Variants in C1orf167 observed in about 807,000 individuals in gnomAD.
The protein encoded by C1orf167 is uncharacterized protein C1orf167.
C1orf167 carries 153 observed loss-of-function variants against 176.5 expected under a neutral mutation model. That is an observed-to-expected ratio of 0.87 (90% CI 0.76 to 0.99). C1orf167 has a LOEUF of 0.99. C1orf167 is among the 50% of genes least tolerant of loss of function. C1orf167 has a pLI of 0.00. For missense variants in C1orf167, 1,490 were observed against 1,817.7 expected (o/e 0.82, Z 3.28); for synonymous variants, 594 against 752.7 (o/e 0.79, Z 3.45).
intron 10 of C1orf167, chr1:11,777,242 A>C (rs4846042): frequency 0.94 from 143,592 of 152,810 alleles, 68,124 homozygotes; most frequent in East Asian, 1. Flanking sequence ...ATGGTCACTG[A>C]TGGAATTCGG....
intron 16 of C1orf167, 68 bp from the exon 17 acceptor site, chr1:11,787,320 A>G (rs935979530): frequency 1.7e-5 from 17 of 1,010,884 alleles, no homozygotes; most frequent in Non-Finnish European, 1.3e-6. Flanking sequence ...CAGCGAAGAA[A>G]TCCCAGCGGG....
At chr1:11,776,392 C>G in intron 9 of C1orf167, 72 bp from the exon 10 acceptor site, 1 of 1,223,116 alleles carries the variant, frequency 8.2e-7, no homozygotes, top group Non-Finnish European at 1.1e-6. Flanking sequence ...CCTGAGGCAG[C>G]AGCTATCAAT....
Position 11,768,924 on chromosome 1 carries a change from G to A in C1orf167, c.1543-49G>A. ...CCGCCCCTGCCTGGTGTTCCCTTGG[G>A]AGGCAGATTCAAGGCCAACATCTCC... On this transcript the variant is annotated intron_variant, in intron 5 of 20. Coordinates refer to ENST00000688073, the MANE Select transcript of C1orf167 (RefSeq NM_001010881.2). The surrounding 1 kb of genome is among the most constrained non-coding windows in gnomAD (Gnocchi z 4.5). 1.0e-6 allele frequency: 1 copy of A among 985,380 alleles called. No individual in the cohort carries two copies. Among genetic ancestry groups the A allele is most frequent in the South Asian group, 4.7e-5 (1 of 21,282 alleles). 61.0% of individuals were successfully genotyped at this position (985,380 alleles called of 1,614,324 possible).
rs1329446311 is a variant in C1orf167 at position 11,785,306 on chromosome 1, A to C, written c.3567+17A>C. 2.4e-6 allele frequency: 3 copies of C among 1,269,538 alleles called. No homozygotes were observed. Among genetic ancestry groups the C allele is most frequent in the Non-Finnish European group, 3.1e-6 (3 of 973,334 alleles). The allele number at this position is 1,269,538 out of a possible 1,614,324, so 78.6% of individuals were successfully genotyped here. ...GCCGGCAAGGTACGCCCCAAGCCCC[A>C]GACTGACCTCACGCTCTGGCCCCGG... is the stretch of plus-strand genomic sequence containing the variant. On this transcript the variant is annotated intron_variant, in intron 16 of 20. Coordinates refer to ENST00000688073, the MANE Select transcript of C1orf167 (RefSeq NM_001010881.2).
chr1:11,768,181 G>A lies in C1orf167; in HGVS notation c.1448G>A (p.Arg483Gln), dbSNP rs4845880. ...AVALGRWQLL[R>Q]KCLQALWLRE... ...GCACTGGGCCGCTGGCAGCTGTTGCGAAAGTGCCTTCAGGCCTTGTGGCTC... is the reference window on the plus strand; with the variant it reads ...GCACTGGGCCGCTGGCAGCTGTTGCAAAAGTGCCTTCAGGCCTTGTGGCTC... The change falls in exon 5 of 21, where the codon CGA becomes CAA. Residue 483 changes from arginine to glutamine, a missense_variant. Arg to Gln is a conservative substitution (Grantham distance 43, BLOSUM62 1). Transcript: ENST00000688073. The surrounding 1 kb of genome is among the most constrained non-coding windows in gnomAD (Gnocchi z 4.5). 0.65 allele frequency: 842,173 copies of A among 1,289,566 alleles called. 278,200 individuals are homozygous for A. Among genetic ancestry groups the A allele is most frequent in the Admixed American group, 0.77 (33,516 of 43,548 alleles). The allele number at this position is 1,289,566 out of a possible 1,614,324, so 79.9% of individuals were successfully genotyped here. A position where few individuals can be genotyped will look rare whatever the true frequency, so the allele number is the denominator to read the frequency against.
chr1:11,762,402 G>T, intron 1 of C1orf167, 97 bp downstream of exon 1: 1 of 344,162 alleles, frequency 2.9e-6, no homozygotes, highest in South Asian at 2.2e-5. Context: ...CAGGGGTGGG[G>T]GTGGAGTGGG....
intron 8 of C1orf167, among the ~76,000 whole-genome samples, chr1:11,772,515 C>T (rs1405317278): frequency 1.3e-5 from 2 of 152,252 alleles, no homozygotes; most frequent in Non-Finnish European, 2.9e-5. Context: ...GATCTGCCCA[C>T]CTTGGCCTCC....
chr1:11,768,251 T>C lies in C1orf167; in HGVS notation c.1518T>C (p.Val506=), dbSNP rs1485005211. The change falls in exon 5 of 21, where the codon GTT becomes GTC. Residue 506 remains valine, a synonymous_variant. Coordinates refer to ENST00000688073, the MANE Select transcript of C1orf167 (RefSeq NM_001010881.2). The surrounding 1 kb of genome is among the most constrained non-coding windows in gnomAD (Gnocchi z 4.5). ...CAGCATGGGGGCAGTACACAAAGGTTCTGCTGGTCCGGAGCTTCCGAGAGG... is the reference window on the plus strand; with the variant it reads ...CAGCATGGGGGCAGTACACAAAGGTCCTGCTGGTCCGGAGCTTCCGAGAGG... The part of the protein sequence containing the change: ...LEAAWGQYTK[V]LLVRSFREWR... 7.8e-6 allele frequency: 10 copies of C among 1,289,796 alleles called. No individual in the cohort carries two copies. The highest frequency in any genetic ancestry group is 1.0e-5 in the Non-Finnish European group (10 of 988,850). The allele number at this position is 1,289,796 out of a possible 1,614,324, so 79.9% of individuals were successfully genotyped here.
At chr1:11,779,654 C>A in intron 12 of C1orf167, 148 bp from the exon 13 acceptor site, 1 of 549,000 alleles carries the variant, frequency 1.8e-6, no homozygotes, top group Non-Finnish European at 2.9e-6. Context: ...CCTCCAGTCC[C>A]CAGCAACCCA....
chr1:11,776,842 A>G (rs1221174520), intron 10 of C1orf167, among the ~76,000 whole-genome samples: 2 of 152,192 alleles, frequency 1.3e-5, no homozygotes, highest in African/African-American at 4.8e-5. Context: ...GCCTAGGGAC[A>G]CTGGAACAGT....
chr1:11,788,853 C>A (rs758483138), intron 20 of C1orf167, 107 bp downstream of exon 20: 2 of 1,025,702 alleles, frequency 1.9e-6, no homozygotes, highest in South Asian at 1.4e-5. Flanking sequence ...GCTTGCCAGC[C>A]CCGGGGCCCC....
intron 4 of C1orf167, among the ~76,000 whole-genome samples, chr1:11,767,522 G>A (rs894987290): frequency 5.3e-5 from 8 of 152,024 alleles, no homozygotes; most frequent in Non-Finnish European, 8.8e-5. Flanking sequence ...CTGGGTTTTC[G>A]GCAAACAGGG....
Position 11,762,221 on chromosome 1 carries a change from A to C in C1orf167, c.-155A>C, listed in dbSNP as rs774227055. The C allele has an allele frequency of 9.0e-6, 4 of 446,370 alleles. No individual in the cohort carries two copies. Among genetic ancestry groups the C allele is most frequent in the African/African-American group, 8.0e-5 (4 of 49,702 alleles). 27.7% of individuals were successfully genotyped at this position (446,370 alleles called of 1,614,324 possible). On this transcript the variant is annotated 5_prime_UTR_variant, in exon 1 of 21. Transcript: ENST00000688073. ...GTCCCCTCCCGCCCGCGACCTGCCG[A>C]CCTGCGGGGATCGTTAGCGGTCCCA...
chr1:11,781,522 C>T (rs1000767098), intron 13 of C1orf167, among the ~76,000 whole-genome samples: 11 of 152,270 alleles, frequency 7.2e-5, no homozygotes, highest in Non-Finnish European at 1.5e-4. Context: ...ATGTCCTGTC[C>T]GCTGGAGACA....
chr1:11,787,265 G>C, intron 16 of C1orf167, 123 bp from the exon 17 acceptor site: 1 of 371,976 alleles, frequency 2.7e-6, no homozygotes, highest in South Asian at 2.4e-5. Flanking sequence ...TCAGCCACAT[G>C]GGGGAATGGG....
In C1orf167 at chr1:11,774,603, G is replaced by A. The variant is rs372084493; in HGVS notation, c.1989-832G>A. Among the ~76,000 whole-genome samples the A allele has an allele frequency of 1.8e-4, 28 of 152,218 alleles. No individual in the cohort carries two copies. In the East Asian group the frequency reaches 3.1e-3, roughly 17 times the overall value. ...GTAGAGTGTTCAGAGGCCTCTGGCC[G>A]GGAGTGTAAGATCCTGAGGCGTAGC... On this transcript the variant is annotated intron_variant, in intron 8 of 20. Transcript: ENST00000688073.
chr1:11,766,350 C>G lies in C1orf167; in HGVS notation c.564C>G (p.Ala188=), dbSNP rs1642794232. 7.8e-7 allele frequency: 1 copy of G among 1,276,220 alleles called. No individual in the cohort carries two copies. The highest frequency in any genetic ancestry group is 1.5e-5 in the African/African-American group (1 of 65,066). The allele number at this position is 1,276,220 out of a possible 1,614,324, so 79.1% of individuals were successfully genotyped here. ...ACTTCAGGCCCACTGAAGCCTTTGC[C>G]CCTCTCGATGGGCATACACAGCCAG... ...SGDFRPTEAF[A]PLDGHTQPGL... is the part of the protein sequence containing the mutation. The change falls in exon 3 of 21, where the codon GCC becomes GCG. Residue 188 remains alanine, a synonymous_variant. Coordinates refer to ENST00000688073, the MANE Select transcript of C1orf167 (RefSeq NM_001010881.2). The surrounding 1 kb of genome is among the most constrained non-coding windows in gnomAD (Gnocchi z 4.5).
chr1:11,779,089 C>T lies in C1orf167; in HGVS notation c.2651+9C>T, dbSNP rs1488559405. Reference sequence around the variant, plus strand: ...CATACCCGCCAGAGGCGGTAGGGATCCCTCCCCATCCGCCCGCCACTCTAT... The same window carrying T: ...CATACCCGCCAGAGGCGGTAGGGATTCCTCCCCATCCGCCCGCCACTCTAT... On this transcript the variant is annotated intron_variant, in intron 12 of 20. Transcript: ENST00000688073. 1.6e-6 allele frequency: 2 copies of T among 1,230,522 alleles called. No individual in the cohort carries two copies. The highest frequency in any genetic ancestry group is 5.7e-5 in the East Asian group (1 of 17,516). The allele number at this position is 1,230,522 out of a possible 1,614,324, so 76.2% of individuals were successfully genotyped here.
intron 12 of C1orf167, 56 bp downstream of exon 12, chr1:11,779,136 C>T: frequency 8.3e-7 from 1 of 1,204,638 alleles, no homozygotes; most frequent in Non-Finnish European, 1.1e-6. Flanking sequence ...TTCCCGGCCC[C>T]TTCTCCCTTC....
Sources: gnomAD v4.1 joint callset for allele counts (sites outside exome capture counted in the v4.1 genomes callset) on GRCh38, gnomAD v4.1.1 for gene constraint, Gnocchi (gnomAD v3.1) non-coding constraint, MANE v1.5 for transcripts, NCBI Gene and HGNC (gene_info 2026-07-23, HGNC 2026-07-21) for gene names.